Variants in PIK3C2A observed in about 807,000 individuals in gnomAD.
The protein encoded by PIK3C2A is phosphatidylinositol 4-phosphate 3-kinase C2 domain-containing subunit alpha.
Under a neutral mutation model 204.5 loss-of-function variants are expected in PIK3C2A, and 97 were observed. The observed-to-expected ratio is 0.47, with a 90% CI of 0.40 to 0.56. The LOEUF (loss-of-function observed/expected upper bound fraction) is 0.56. PIK3C2A is among the 20% of genes least tolerant of loss of function. The pLI, the probability that PIK3C2A is intolerant of heterozygous loss-of-function variation, is 0.00. For synonymous variants in PIK3C2A, 653 were observed against 664.4 expected, an observed-to-expected ratio of 0.98 and a Z score of 0.26; for missense variants, 1,735 against 1,969.2, an observed-to-expected ratio of 0.88 and a Z score of 2.25.
At chr11:17,191,523 C>T (rs764498118) in intron 1 of PIK3C2A, among the ~76,000 whole-genome samples, 3 of 152,184 alleles carry the variant, frequency 2.0e-5, no homozygotes, top group Non-Finnish European at 4.4e-5. Context: ...TAATGGGGAG[C>T]GAATACCAGA....
chr11:17,155,623 G>T lies in PIK3C2A; in HGVS notation c.1072C>A (p.Pro358Thr). 1 of 1,586,770 alleles carries T rather than the reference G, an allele frequency of 6.3e-7. No homozygotes were observed. The highest frequency in any genetic ancestry group is 8.6e-7 in the Non-Finnish European group (1 of 1,157,994). The change falls in exon 3 of 33, where the codon CCA becomes ACA. Residue 358 changes from proline to threonine, a missense_variant. Coordinates refer to ENST00000691414, the MANE Select transcript of PIK3C2A (RefSeq NM_002645.4). The stretch of plus-strand genomic sequence containing the variant: ...GTTGGCAAACTACTGGTCCCATTTG[G>T]GTCTTTCTGTAATTAAAAAAGTGTT... ...KAQGHISQKD[P>T]NGTSSLPTGS...
Position 17,156,353 on chromosome 11 carries a change from A to T in PIK3C2A, c.1066-724T>A, listed in dbSNP as rs376539041. Among the ~76,000 whole-genome samples the T allele has an allele frequency of 2.0e-4, 31 of 152,318 alleles. No homozygotes were observed. The East Asian group carries it at 5.4e-3, about 27-fold the overall frequency. On this transcript the variant is annotated intron_variant, in intron 2 of 32. Coordinates refer to ENST00000691414, the MANE Select transcript of PIK3C2A (RefSeq NM_002645.4). ...AAGTGCGTATATTTCAAGAGCTATA[A>T]CAGATTTCAATGACTATGGCACACA...
intron 20 of PIK3C2A, 151 bp from the exon 21 acceptor site, chr11:17,112,817 G>C (rs77981814): frequency 2.5e-6 from 1 of 399,664 alleles, no homozygotes; most frequent in Non-Finnish European, 4.4e-6. Context: ...ACAGCGTCTT[G>C]CTTTGTTACC....
intron 1 of PIK3C2A, among the ~76,000 whole-genome samples, chr11:17,196,240 G>A (rs1852150130): frequency 6.6e-6 from 1 of 152,158 alleles, no homozygotes; most frequent in African/African-American, 2.4e-5. Flanking sequence ...ATACCTCCAA[G>A]ATGGGGGATA....
intron 1 of PIK3C2A, among the ~76,000 whole-genome samples, chr11:17,177,590 G>C (rs1483572223): frequency 6.6e-6 from 1 of 152,048 alleles, no homozygotes; most frequent in Non-Finnish European, 1.5e-5. Flanking sequence ...AAAAGTAAAA[G>C]TTGTTCCATC....
intron 2 of PIK3C2A, among the ~76,000 whole-genome samples, chr11:17,164,961 A>T (rs1444166849): frequency 2.0e-5 from 3 of 152,188 alleles, no homozygotes; most frequent in Admixed American, 6.5e-5. Context: ...AAGAAAAAAT[A>T]AATGTAGGGA....
chr11:17,192,023 T>C (rs1050493391), intron 1 of PIK3C2A, among the ~76,000 whole-genome samples: 10 of 150,610 alleles, frequency 6.6e-5, no homozygotes, highest in African/African-American at 2.2e-4. Flanking sequence ...TGCATGATTG[T>C]AGTCCCAGCT....
intron 1 of PIK3C2A, among the ~76,000 whole-genome samples, chr11:17,180,500 AAAC>A (rs202239069): frequency 6.5e-4 from 97 of 150,280 alleles, no homozygotes; most frequent in African/African-American, 1.2e-3. Flanking sequence ...CTAGAAAACA[AAAC>A]AACAACAACA....
chr11:17,195,457 T>A (rs188815058), intron 1 of PIK3C2A, among the ~76,000 whole-genome samples: 3 of 151,526 alleles, frequency 2.0e-5, no homozygotes, highest in Non-Finnish European at 4.4e-5. Flanking sequence ...CAGTGGCTCA[T>A]GCCAGCAAAC....
Position 17,168,748 on chromosome 11 carries a change from T to C in PIK3C2A, c.994A>G (p.Thr332Ala), listed in dbSNP as rs753737725. 1.2e-6 allele frequency: 2 copies of C among 1,613,362 alleles called. No homozygotes were observed. Among genetic ancestry groups the C allele is most frequent in the East Asian group, 2.2e-5 (1 of 44,870 alleles). ...KVNGKSLSVA[T>A]VTRSQSLNIR... ...TTTAAAGACTGGCTTCTTGTAACAG[T>C]TGCCACAGAAAGGGATTTTCCATTC... Residue 332 changes from threonine (T) to alanine (A), a missense_variant, in exon 2 of 33, where the codon ACT (threonine) becomes GCT (alanine). Around this residue, in one of 6 missense-constraint regions of PIK3C2A, gnomAD observed 536 missense variants for 546.7 expected, o/e 0.98. Coordinates refer to ENST00000691414, the MANE Select transcript of PIK3C2A (RefSeq NM_002645.4).
intron 1 of PIK3C2A, among the ~76,000 whole-genome samples, chr11:17,181,097 C>T (rs1303069061): frequency 1.3e-5 from 2 of 152,136 alleles, no homozygotes; most frequent in East Asian, 3.8e-4. Flanking sequence ...GACAGAACTT[C>T]CATACCCTTT....
intron 28 of PIK3C2A, among the ~76,000 whole-genome samples, chr11:17,092,967 C>G (rs554889223): frequency 3.9e-5 from 6 of 152,234 alleles, no homozygotes; most frequent in Admixed American, 1.3e-4. Context: ...ACTCAATCAG[C>G]CATAAATATT....
chr11:17,098,497 A>T (rs375530872), intron 26 of PIK3C2A, among the ~76,000 whole-genome samples: 1 of 152,248 alleles, frequency 6.6e-6, no homozygotes, highest in Non-Finnish European at 1.5e-5. Context: ...GAGAAAATAA[A>T]TATCTGTTGT....
chr11:17,178,105 A>G (rs956633831), intron 1 of PIK3C2A, among the ~76,000 whole-genome samples: 1 of 95,986 alleles, frequency 1.0e-5, no homozygotes, highest in African/African-American at 4.2e-5. Context: ...AAAAAAAAAA[A>G]AAAAAAAGAA....
rs374958537 is a variant in PIK3C2A at position 17,119,330 on chromosome 11, A to C, written c.2847-17T>G. 4 of 1,448,524 alleles carry C rather than the reference A, an allele frequency of 2.8e-6. No individual in the cohort carries two copies. Among genetic ancestry groups the C allele is most frequent in the Non-Finnish European group, 3.9e-6 (4 of 1,030,870 alleles). The allele number at this position is 1,448,524 out of a possible 1,614,324, so 89.7% of individuals were successfully genotyped here. A position where few individuals can be genotyped will look rare whatever the true frequency, so the allele number is the denominator to read the frequency against. On this transcript the variant is annotated splice_polypyrimidine_tract_variant and intron_variant, in intron 16 of 32. Transcript: ENST00000691414. ...TCAGCAAATCTAGAAGATTACCATA[A>C]AACCAAGATTGGACAGTGATTTCTT...
At chr11:17,123,425 T>G (rs952806748) in intron 13 of PIK3C2A, among the ~76,000 whole-genome samples, 3 of 150,606 alleles carry the variant, frequency 2.0e-5, no homozygotes, top group Admixed American at 6.6e-5. Flanking sequence ...ATTCTTGTTT[T>G]TTTTTTTTTT....
chr11:17,150,441 T>C (rs1355552790), intron 4 of PIK3C2A, 57 bp downstream of exon 4: 11 of 1,413,804 alleles, frequency 7.8e-6, no homozygotes, highest in Non-Finnish European at 1.0e-5. Flanking sequence ...ATATTGATAT[T>C]TTAAACATTT....
rs1210878105 is a variant in PIK3C2A at position 17,169,252 on chromosome 11, T to C, written c.490A>G (p.Lys164Glu). ...LPSIYPSTYS[K>E]QAAFQNGFNP... ...AAGCCATTTTGGAATGCAGCCTGTTTACTGTAAGTAGAAGGATAAATAGAA... is the reference window on the plus strand; with the variant it reads ...AAGCCATTTTGGAATGCAGCCTGTTCACTGTAAGTAGAAGGATAAATAGAA... Residue 164 changes from lysine to glutamate, a missense_variant, in exon 2 of 33, where the codon AAA (lysine) becomes GAA (glutamate). Coordinates refer to ENST00000691414, the MANE Select transcript of PIK3C2A (RefSeq NM_002645.4). 1 of 1,614,192 alleles carries C rather than the reference T, an allele frequency of 6.2e-7. No individual in the cohort carries two copies. Among genetic ancestry groups the C allele is most frequent in the East Asian group, 2.2e-5 (1 of 44,884 alleles).
At chr11:17,182,295 C>T (rs963133012) in intron 1 of PIK3C2A, among the ~76,000 whole-genome samples, 1 of 151,986 alleles carries the variant, frequency 6.6e-6, no homozygotes, top group African/African-American at 2.4e-5. Flanking sequence ...AAAGAATAAT[C>T]TACTCTTGGC....
Sources: allele counts gnomAD v4.1 joint callset (sites outside exome capture counted in the v4.1 genomes callset), GRCh38; gene constraint gnomAD v4.1.1; regional missense constraint gnomAD v4.1.1; transcripts MANE v1.5; gene names NCBI Gene and HGNC (gene_info 2026-07-23, HGNC 2026-07-21).